The following DDX60 variants were observed in gnomAD, a reference collection of about 807,000 sequenced individuals.
DDX60 encodes probable ATP-dependent RNA helicase DDX60.
A neutral mutation model predicts 212.8 loss-of-function variants in DDX60; 165 were observed. The observed-to-expected ratio is 0.78, with a 90% confidence interval of 0.68 to 0.88. DDX60 has a LOEUF of 0.88. Ranked by LOEUF, DDX60 falls within the 40% of genes least tolerant of loss-of-function variation. DDX60 has a pLI of 0.00. For synonymous variants in DDX60, 703 were observed against 685.3 expected, an observed-to-expected ratio of 1.03 and a Z score of -0.40; for missense variants, 1,905 against 2,003.9, an observed-to-expected ratio of 0.95 and a Z score of 0.94.
intron 30 of DDX60, among the ~76,000 whole-genome samples, chr4:168,241,289 TG>T (rs200482192): frequency 0.027 from 4,145 of 151,952 alleles, 193 homozygotes; most frequent in African/African-American, 0.094. Flanking sequence ...ACCAGTAGAG[TG>T]GGGTGCTGCT....
At chr4:168,229,169 A>G (rs908454572) in intron 33 of DDX60, among the ~76,000 whole-genome samples, 1 of 152,084 alleles carries the variant, frequency 6.6e-6, no homozygotes, top group Non-Finnish European at 1.5e-5. Flanking sequence ...TTGCCTCTTC[A>G]GGCAAGCTGA....
intron 3 of DDX60, among the ~76,000 whole-genome samples, chr4:168,308,995 T>G (rs577488750): frequency 2.0e-5 from 3 of 152,152 alleles, no homozygotes; most frequent in African/African-American, 7.2e-5. Flanking sequence ...CACGCACTTA[T>G]AGACTACACA....
intron 3 of DDX60, among the ~76,000 whole-genome samples, chr4:168,310,427 AT>A (rs1442273484): frequency 1.3e-5 from 2 of 152,092 alleles, no homozygotes; most frequent in African/African-American, 4.8e-5. Flanking sequence ...CTTCCTTATG[AT>A]TTTCTTAATT....
In DDX60 at chr4:168,255,828, C is replaced by A. The variant is rs754145279; in HGVS notation, c.3440G>T (p.Ser1147Ile). 2 of 1,603,074 alleles carry A rather than the reference C, an allele frequency of 1.2e-6. No homozygotes were observed. The highest frequency in any genetic ancestry group is 2.3e-5 in the South Asian group (2 of 88,060). Residue 1147 changes from serine (S) to isoleucine (I), a missense_variant, in exon 26 of 38, where the codon AGC becomes ATC. Coordinates refer to ENST00000393743, the MANE Select transcript of DDX60 (RefSeq NM_017631.6). ...CTCCTGCTTTTTCTTTAGGAAAGTGCTCACACTTTCAGCTGCGTTTTCTAC... is the reference window on the plus strand; with the variant it reads ...CTCCTGCTTTTTCTTTAGGAAAGTGATCACACTTTCAGCTGCGTTTTCTAC... ...GAVENAAESVSTFLKKKQETK... is the reference protein window; with the variant it reads ...GAVENAAESVITFLKKKQETK...
intron 32 of DDX60, 24 bp downstream of exon 32, chr4:168,237,262 A>T: frequency 6.7e-7 from 1 of 1,485,952 alleles, no homozygotes. Flanking sequence ...CTCTCTACAT[A>T]TATATATAAA....
Position 168,237,807 on chromosome 4 carries a change from A to C in DDX60, c.4165-12T>G. 1 of 1,585,406 alleles carries C rather than the reference A, an allele frequency of 6.3e-7. No individual in the cohort carries two copies. ...AGCACTGATAGCACCTTTAAAGAAAAGAGTATTTTTAGACACACAATGTTA... is the reference window on the plus strand; with the variant it reads ...AGCACTGATAGCACCTTTAAAGAAACGAGTATTTTTAGACACACAATGTTA... On this transcript the variant is annotated splice_polypyrimidine_tract_variant and intron_variant, in intron 30 of 37. Coordinates refer to ENST00000393743, the MANE Select transcript of DDX60 (RefSeq NM_017631.6).
At chr4:168,266,528 GAGA>G (rs1734856710) in intron 22 of DDX60, among the ~76,000 whole-genome samples, 1 of 152,196 alleles carries the variant, frequency 6.6e-6, no homozygotes, top group Non-Finnish European at 1.5e-5. Context: ...AAGAAAGTCA[GAGA>G]AGAATTCAGA....
intron 22 of DDX60, among the ~76,000 whole-genome samples, chr4:168,264,725 C>T (rs1162758896): frequency 6.6e-6 from 1 of 152,092 alleles, no homozygotes; most frequent in African/African-American, 2.4e-5. Context: ...CCACAGCCAT[C>T]AATATGATTG....
At chr4:168,233,630 C>G (rs1023062518) in intron 33 of DDX60, among the ~76,000 whole-genome samples, 1 of 151,990 alleles carries the variant, frequency 6.6e-6, no homozygotes, top group Non-Finnish European at 1.5e-5. Context: ...AAAATCAAAT[C>G]TTCCCACTCA....
At chr4:168,270,825 C>T (rs1009230434) in intron 19 of DDX60, among the ~76,000 whole-genome samples, 1 of 150,910 alleles carries the variant, frequency 6.6e-6, no homozygotes, top group Non-Finnish European at 1.5e-5. Context: ...ATCTTTCTAT[C>T]ATGTTTTAAA....
chr4:168,265,212 C>T (rs1313146058), intron 22 of DDX60, among the ~76,000 whole-genome samples: 4 of 152,170 alleles, frequency 2.6e-5, no homozygotes, highest in Non-Finnish European at 5.9e-5. Context: ...GCCCCCACTC[C>T]TGAAATCATT....
chr4:168,272,385 T>C (rs183581326), intron 18 of DDX60, among the ~76,000 whole-genome samples: 50 of 152,366 alleles, frequency 3.3e-4, no homozygotes, highest in Non-Finnish European at 2.6e-4. Context: ...TCCTTGTTTA[T>C]GAACATTCAG....
chr4:168,231,541 G>A (rs1247699531), intron 33 of DDX60, among the ~76,000 whole-genome samples: 1 of 152,018 alleles, frequency 6.6e-6, no homozygotes, highest in Non-Finnish European at 1.5e-5. Flanking sequence ...TCATACTAGG[G>A]ATGCTGGGAT....
chr4:168,233,778 T>C (rs1733536803), intron 33 of DDX60, among the ~76,000 whole-genome samples: 1 of 151,992 alleles, frequency 6.6e-6, no homozygotes, highest in African/African-American at 2.4e-5. Flanking sequence ...AGGTGATGGG[T>C]GCACCAAAAT....
rs181953163 is a variant in DDX60, at chr4:168,291,640, C to A, written c.1041+108G>T. On this transcript the variant is annotated intron_variant, in intron 8 of 37. Transcript: ENST00000393743. ...ATGTAGCCCATTAAACTTTTATAGC[C>A]CCCAAGGGGCTAATAGTAGTCCCAC... 83 of 985,328 alleles carry A rather than the reference C, an allele frequency of 8.4e-5. 1 individual carries two copies. Among genetic ancestry groups the A allele is most frequent in the Non-Finnish European group, 9.6e-5 (69 of 718,612 alleles). The allele number at this position is 985,328 out of a possible 1,614,324, so 61.0% of individuals were successfully genotyped here. A position where few individuals can be genotyped will look rare whatever the true frequency, so the allele number is the denominator to read the frequency against.
At chr4:168,301,453 T>C (rs1252058371) in intron 6 of DDX60, among the ~76,000 whole-genome samples, 1 of 152,148 alleles carries the variant, frequency 6.6e-6, no homozygotes, top group Non-Finnish European at 1.5e-5. Context: ...TGAGGGCTTG[T>C]AAAAGAACAC....
At chr4:168,284,718 C>CA (rs1735741693) in intron 12 of DDX60, 102 bp downstream of exon 12, 2 of 555,986 alleles carry the variant, frequency 3.6e-6, no homozygotes, top group South Asian at 5.0e-5. Context: ...TATTTTCATT[C>CA]AAAAAAATTT....
At chr4:168,235,865 A>G (rs1297670790) in intron 33 of DDX60, among the ~76,000 whole-genome samples, 3 of 152,060 alleles carry the variant, frequency 2.0e-5, no homozygotes, top group African/African-American at 4.8e-5. Context: ...TTCACAACAT[A>G]TACTTCCCTT....
At chr4:168,286,422 C>G (rs945535874) in intron 10 of DDX60, among the ~76,000 whole-genome samples, 1 of 57,858 alleles carries the variant, frequency 1.7e-5, no homozygotes, top group Non-Finnish European at 3.3e-5. Flanking sequence ...ACACACCACA[C>G]GAGATAGATA....
Sources: allele counts gnomAD v4.1 joint callset (sites outside exome capture counted in the v4.1 genomes callset), GRCh38; gene constraint gnomAD v4.1.1; transcripts MANE v1.5; gene names NCBI Gene and HGNC (gene_info 2026-07-23, HGNC 2026-07-21).